EML1: variants seen among roughly 807,000 people sequenced by gnomAD.
The protein encoded by EML1 is echinoderm microtubule-associated protein-like 1.
A neutral mutation model predicts 110.4 loss-of-function variants in EML1; 27 were observed. That is an observed-to-expected ratio of 0.24 (90% CI 0.18 to 0.34). The LOEUF is 0.34. EML1 is among the 10% of genes least tolerant of loss of function. EML1 has a pLI of 1.00. For missense variants in EML1, 741 were observed against 1,030.9 expected (o/e 0.72, Z 3.85); for synonymous variants, 344 against 385.8 (o/e 0.89, Z 1.27).
chr14:99,933,285 C>G, intron 17 of EML1, among the ~76,000 whole-genome samples: 1 of 152,198 alleles, frequency 6.6e-6, no homozygotes, highest in Non-Finnish European at 1.5e-5. Flanking sequence ...AAGTGATTCT[C>G]CAGCCTTACC....
intron 1 of EML1, among the ~76,000 whole-genome samples, chr14:99,751,123 T>C (rs2057170034): frequency 6.6e-6 from 1 of 152,158 alleles, no homozygotes; most frequent in Non-Finnish European, 1.5e-5. Flanking sequence ...AAGCACCTAC[T>C]GCTAGCCAGG....
intron 1 of EML1, among the ~76,000 whole-genome samples, chr14:99,815,407 C>A (rs1216010784): frequency 6.6e-6 from 1 of 151,990 alleles, no homozygotes; most frequent in Admixed American, 6.6e-5. Context: ...TCCCAAAGTG[C>A]CAAGATTACA....
At chr14:99,872,315 GCA>G (rs1461666925) in intron 3 of EML1, among the ~76,000 whole-genome samples, 1 of 152,162 alleles carries the variant, frequency 6.6e-6, no homozygotes, top group Non-Finnish European at 1.5e-5. Flanking sequence ...GAGGAAGGGA[GCA>G]AGACAGGAAG....
rs532604289 is a variant in EML1 at position 99,941,272 on chromosome 14, T to C, written c.*1160T>C. On this transcript the variant is annotated 3_prime_UTR_variant, in exon 22 of 22. Transcript: ENST00000262233. ...GGGGAATGTATCTCAAATTTTTAAA[T>C]AGAAGAGTAATAAACAGACTTTAAA... 3.9e-5 allele frequency: 6 copies of C among 152,218 alleles called. No homozygotes were observed. The highest frequency in any genetic ancestry group is 8.8e-5 in the Non-Finnish European group (6 of 68,028). The allele number at this position is 152,218 out of a possible 1,614,324, so 9.4% of individuals were successfully genotyped here.
chr14:99,811,192 TG>T (rs2058073184), intron 1 of EML1, among the ~76,000 whole-genome samples: 2 of 147,872 alleles, frequency 1.4e-5, no homozygotes, highest in East Asian at 1.9e-4. Flanking sequence ...TTTGGGTTTT[TG>T]TTTTTTGAAA....
At chr14:99,826,664 A>C (rs1383173400) in intron 1 of EML1, among the ~76,000 whole-genome samples, 1 of 152,118 alleles carries the variant, frequency 6.6e-6, no homozygotes, top group Non-Finnish European at 1.5e-5. Flanking sequence ...ACTGCTGTGT[A>C]ACACCGTGGT....
At chr14:99,865,298 GAATCT>G (rs2059076861) in intron 2 of EML1, among the ~76,000 whole-genome samples, 1 of 152,122 alleles carries the variant, frequency 6.6e-6, no homozygotes, top group African/African-American at 2.4e-5. Flanking sequence ...ACTCCTATGA[GAATCT>G]AATCTGATCT....
chr14:99,890,632 G>A (rs992214235), intron 4 of EML1, among the ~76,000 whole-genome samples: 2 of 152,126 alleles, frequency 1.3e-5, no homozygotes, highest in Non-Finnish European at 2.9e-5. Context: ...GGGTGCCCAG[G>A]GTGACTGAAG....
chr14:99,789,669 A>T (rs143037657), upstream of EML1, among the ~76,000 whole-genome samples: 3 of 152,336 alleles, frequency 2.0e-5, no homozygotes, highest in East Asian at 5.8e-4. Context: ...TAAACAATAG[A>T]TGCACAAGGC....
intron 2 of EML1, among the ~76,000 whole-genome samples, chr14:99,861,260 G>A (rs746350696): frequency 3.3e-5 from 5 of 152,224 alleles, no homozygotes; most frequent in African/African-American, 4.8e-5. Context: ...TGGATTTAGC[G>A]TTCCAAGTGT....
chr14:99,814,451 G>A (rs1336843663), intron 1 of EML1, among the ~76,000 whole-genome samples: 1 of 151,998 alleles, frequency 6.6e-6, no homozygotes, highest in Non-Finnish European at 1.5e-5. Flanking sequence ...ATTTTGTAGT[G>A]CTGGGATCTT....
intron 4 of EML1, among the ~76,000 whole-genome samples, chr14:99,880,897 T>G (rs934807161): frequency 6.6e-6 from 1 of 152,224 alleles, no homozygotes; most frequent in African/African-American, 2.4e-5. Context: ...CTGTGATAGT[T>G]CTTATAAAGA....
At chr14:99,926,804 C>T (rs938596173) in intron 17 of EML1, among the ~76,000 whole-genome samples, 8 of 151,516 alleles carry the variant, frequency 5.3e-5, no homozygotes, top group Admixed American at 1.3e-4. Flanking sequence ...AGTGCAGTGG[C>T]GTGATCTCAG....
intron 1 of EML1, among the ~76,000 whole-genome samples, chr14:99,842,027 T>TAA (rs3994954): frequency 0.59 from 89,871 of 151,904 alleles, 28,041 homozygotes; most frequent in Non-Finnish European, 0.69. Flanking sequence ...GACAAGAATG[T>TAA]AAAAACTTGG....
chr14:99,818,017 G>T (rs80293530), intron 1 of EML1, among the ~76,000 whole-genome samples: 2,227 of 152,248 alleles, frequency 0.015, 48 homozygotes, highest in African/African-American at 0.05. Context: ...GTTCCATGAA[G>T]ATAGAGTGGC....
chr14:99,746,143 C>T (rs1324062894), intron 1 of EML1, among the ~76,000 whole-genome samples: 3 of 152,162 alleles, frequency 2.0e-5, no homozygotes, highest in Non-Finnish European at 2.9e-5. Flanking sequence ...ATTTTATAGA[C>T]GAGCAAATGG....
chr14:99,744,332 C>T (rs1395733154), intron 1 of EML1, among the ~76,000 whole-genome samples: 1 of 152,108 alleles, frequency 6.6e-6, no homozygotes, highest in African/African-American at 2.4e-5. Context: ...AATGTTTTCC[C>T]AGTCACTGCA....
At chr14:99,842,767 G>C (rs536876706) in intron 1 of EML1, among the ~76,000 whole-genome samples, 1 of 152,322 alleles carries the variant, frequency 6.6e-6, no homozygotes, top group Non-Finnish European at 1.5e-5. Context: ...GAGCAGGCCA[G>C]TCTTGCCTTA....
intron 1 of EML1, among the ~76,000 whole-genome samples, chr14:99,794,585 A>G (rs1030608441): frequency 3.9e-5 from 6 of 152,188 alleles, no homozygotes; most frequent in Non-Finnish European, 8.8e-5. Context: ...GTGTTGATTC[A>G]TCCTCTGTAG....
Sources: gnomAD v4.1 joint callset for allele counts (sites outside exome capture counted in the v4.1 genomes callset) on GRCh38, gnomAD v4.1.1 for gene constraint, MANE v1.5 for transcripts, NCBI Gene and HGNC (gene_info 2026-07-23, HGNC 2026-07-21) for gene names.